The following HYOU1 variants were observed in gnomAD, a reference collection of about 807,000 sequenced individuals.
HYOU1 encodes the protein hypoxia up-regulated protein 1.
Under a neutral mutation model 120.5 loss-of-function variants are expected in HYOU1, and 40 were observed. That is an observed-to-expected ratio of 0.33 (90% CI 0.26 to 0.43). HYOU1 has a LOEUF of 0.43. Ranked by LOEUF, HYOU1 falls within the 20% of genes least tolerant of loss-of-function variation. The probability of loss-of-function intolerance (pLI) is 1.00; values close to 1 mark genes in which losing one functional copy is unlikely to be tolerated. For synonymous variants in HYOU1, 501 were observed against 479.4 expected (o/e 1.05, Z -0.59); for missense variants, 1,085 against 1,278.3 (o/e 0.85, Z 2.31).
In HYOU1 at chr11:119,052,120, A is replaced by AGG. The variant is rs1944481077; in HGVS notation, c.1174_1175insCC (p.Val392AlafsTer7). The AGG allele has an allele frequency of 6.2e-7, 1 of 1,613,654 alleles. No homozygotes were observed. Among genetic ancestry groups the AGG allele is most frequent in the African/African-American group, 1.3e-5 (1 of 74,792 alleles). On this transcript the variant is annotated frameshift_variant, in exon 11 of 26. Coordinates refer to ENST00000617285, the MANE Select transcript of HYOU1 (RefSeq NM_006389.5). LOFTEE classifies it high-confidence loss of function. This position sits in a 1 kb window ranked among gnomAD's most constrained non-coding sequence, Gnocchi z 5.0. ...CACGGCCTTCAGCAGCACCTCCTGA[A>AGG]CTCTGGGGACCCGAGTGGCCCCACC... is the stretch of plus-strand genomic sequence containing the variant.
Position 119,055,896 on chromosome 11 carries a change from G to C in HYOU1, c.92-53C>G. The C allele has an allele frequency of 1.3e-6, 2 of 1,500,540 alleles. No homozygotes were observed. The highest frequency in any genetic ancestry group is 1.9e-6 in the Non-Finnish European group (2 of 1,076,550). 93.0% of individuals were successfully genotyped at this position (1,500,540 alleles called of 1,614,324 possible). A position where few individuals can be genotyped will look rare whatever the true frequency, so the allele number is the denominator to read the frequency against. ...GCTCTCCCTTCGCCCACCTTCCTGG[G>C]ACTCCCTCTAATCAAAGCATACCAC... On this transcript the variant is annotated intron_variant, in intron 2 of 25. Coordinates refer to ENST00000617285, the MANE Select transcript of HYOU1 (RefSeq NM_006389.5). This position sits in a 1 kb window ranked among gnomAD's most constrained non-coding sequence, Gnocchi z 4.0.
Position 119,048,633 on chromosome 11 carries a change from C to T in HYOU1, c.2166-70G>A, listed in dbSNP as rs1355280733. The T allele has an allele frequency of 1.2e-6, 2 of 1,605,512 alleles. No homozygotes were observed. ...GAACTTGAGACTCTGGGTCCGACAGCCCTCCCTCCCAGGGCGCCATCCCAC... is the reference window on the plus strand; with the variant it reads ...GAACTTGAGACTCTGGGTCCGACAGTCCTCCCTCCCAGGGCGCCATCCCAC... On this transcript the variant is annotated intron_variant, in intron 18 of 25. Transcript: ENST00000617285. The surrounding 1 kb of genome is among the most constrained non-coding windows in gnomAD (Gnocchi z 4.7).
Position 119,052,670 on chromosome 11 carries a change from G to C in HYOU1, c.954C>G (p.Thr318=), listed in dbSNP as rs2133594515. Residue 318 remains threonine, a synonymous_variant, in exon 9 of 26, where the codon ACC becomes ACG. Coordinates refer to ENST00000617285, the MANE Select transcript of HYOU1 (RefSeq NM_006389.5). This position sits in a 1 kb window ranked among gnomAD's most constrained non-coding sequence, Gnocchi z 5.0. ...TGTGGTCAGCGTTGGCACTGAGGAC[G>C]GTTTTGAGCCGATTAGCCTCACGCA... ...KLLREANRLK[T]VLSANADHMA... is the part of the protein sequence containing the mutation. 6 of 1,614,030 alleles carry C rather than the reference G, an allele frequency of 3.7e-6. No homozygotes were observed. Among genetic ancestry groups the C allele is most frequent in the South Asian group, 2.2e-5 (2 of 91,068 alleles).
chr11:119,048,134 A>G lies in HYOU1; in HGVS notation c.2377-54T>C, dbSNP rs1397876735. ...TGGAAGGGACGACAGCAGAGCCTGG[A>G]GTCAGCCCCATGTCCTTCTTTATGG... On this transcript the variant is annotated intron_variant, in intron 20 of 25. Transcript: ENST00000617285. The surrounding 1 kb of genome is among the most constrained non-coding windows in gnomAD (Gnocchi z 4.7). The G allele has an allele frequency of 3.1e-6, 5 of 1,612,398 alleles. No homozygotes were observed. The highest frequency in any genetic ancestry group is 4.2e-6 in the Non-Finnish European group (5 of 1,179,910).
chr11:119,054,326 G>T, intron 7 of HYOU1, 90 bp from the exon 8 acceptor site: 1 of 1,235,154 alleles, frequency 8.1e-7, no homozygotes, highest in East Asian at 2.3e-5. Flanking sequence ...TGGGCTGTCT[G>T]ACTCTTAACA....
chr11:119,045,808 G>A lies in HYOU1; in HGVS notation c.2911C>T (p.Pro971Ser), dbSNP rs1944028766. The A allele has an allele frequency of 6.2e-7, 1 of 1,612,336 alleles. No individual in the cohort carries two copies. Residue 971 changes from proline to serine, a missense_variant, in exon 25 of 26, where the codon CCT becomes TCT. This residue lies in a region of HYOU1 where 516 missense variants were observed against 517.1 expected (regional missense o/e 1.00). Transcript: ENST00000617285. ...ETGSEPGDTE[P>S]LELGGPGAEP... ...GCTCCAGGACCTCCTAACTCCAAAG[G>A]CTCAGTGTCTCCTGGCTCGGATCCT...
intron 24 of HYOU1, 64 bp downstream of exon 24, chr11:119,046,353 C>T (rs1347252203): frequency 6.7e-7 from 1 of 1,490,964 alleles, no homozygotes; most frequent in African/African-American, 1.4e-5. Context: ...GCTGTGCCTG[C>T]CAGTTTGCCT....
At chr11:119,047,892 G>A (rs1944178518) in intron 21 of HYOU1, 55 bp downstream of exon 21, 1 of 1,613,476 alleles carries the variant, frequency 6.2e-7, no homozygotes, top group South Asian at 1.1e-5. Context: ...AAGCTGGTAG[G>A]AATGAAAACC....
chr11:119,046,207 C>A (rs1163958744), intron 24 of HYOU1, among the ~76,000 whole-genome samples: 1 of 151,212 alleles, frequency 6.6e-6, no homozygotes, highest in African/African-American at 2.4e-5. Context: ...CTCAGGTGAT[C>A]TACCCGCCTC....
chr11:119,048,581 G>C lies in HYOU1; in HGVS notation c.2166-18C>G. 6.2e-7 allele frequency: 1 copy of C among 1,613,092 alleles called. No individual in the cohort carries two copies. The highest frequency in any genetic ancestry group is 8.5e-7 in the Non-Finnish European group (1 of 1,179,280). The stretch of plus-strand genomic sequence containing the variant: ...CCTGAAGTCTATGGGACAAAGGAGG[G>C]GTAGGGATGAGGGAGAGGGCAAGTG... On this transcript the variant is annotated intron_variant, in intron 18 of 25. Transcript: ENST00000617285. This position sits in a 1 kb window ranked among gnomAD's most constrained non-coding sequence, Gnocchi z 4.7.
Position 119,056,123 on chromosome 11 carries a change from C to T in HYOU1, c.38G>A (p.Arg13Gln), listed in dbSNP as rs1378202864. 1 of 1,614,126 alleles carries T rather than the reference C, an allele frequency of 6.2e-7. No homozygotes were observed. Among genetic ancestry groups the T allele is most frequent in the Admixed American group, 1.7e-5 (1 of 60,028 alleles). Reference protein sequence around the residue: ...DKVRRQRPRRRVCWALVAVLL... With the variant: ...DKVRRQRPRRQVCWALVAVLL... Reference sequence around the variant, plus strand: ...CACAGCCACCAAGGCCCAACAGACTCGCCTCCTCGGCCTCTGCCTCCTAAC... The same window carrying T: ...CACAGCCACCAAGGCCCAACAGACTTGCCTCCTCGGCCTCTGCCTCCTAAC... The change falls in exon 2 of 26, where the codon CGA becomes CAA. Residue 13 changes from arginine (R) to glutamine (Q), a missense_variant. Around this residue, in one of 4 missense-constraint regions of HYOU1, gnomAD observed 45 missense variants for 49.2 expected, o/e 0.91. Transcript: ENST00000617285.
chr11:119,055,978 A>G lies in HYOU1; in HGVS notation c.91+92T>C. On this transcript the variant is annotated intron_variant, in intron 2 of 25. Coordinates refer to ENST00000617285, the MANE Select transcript of HYOU1 (RefSeq NM_006389.5). This position sits in a 1 kb window ranked among gnomAD's most constrained non-coding sequence, Gnocchi z 4.0. ...AAAAAGGCCTGGACCTAACAACTCA[A>G]GAGACTTCTGGCCAACAGCCCCAAG... 7.2e-7 allele frequency: 1 copy of G among 1,396,274 alleles called. No homozygotes were observed. The highest frequency in any genetic ancestry group is 1.0e-6 in the Non-Finnish European group (1 of 982,486). The allele number at this position is 1,396,274 out of a possible 1,614,324, so 86.5% of individuals were successfully genotyped here. A position where few individuals can be genotyped will look rare whatever the true frequency, so the allele number is the denominator to read the frequency against.
At chr11:119,053,999 T>G (rs1022262948) in intron 8 of HYOU1, 122 bp downstream of exon 8, 2 of 640,228 alleles carry the variant, frequency 3.1e-6, no homozygotes, top group Non-Finnish European at 5.6e-6. Flanking sequence ...CAATGACTGA[T>G]GCCTCAATCA....
rs2133558330 is a variant in HYOU1 at position 119,047,811 on chromosome 11, G to A, written c.2518C>T (p.Arg840Trp). 12 of 1,613,584 alleles carry A rather than the reference G, an allele frequency of 7.4e-6. No homozygotes were observed. The highest frequency in any genetic ancestry group is 1.1e-5 in the South Asian group (1 of 91,070). The part of the protein sequence containing the change: ...NHSSMFLKGA[R>W]LIPEMDQIFT... ...ATCTGGTCCATCTCTGGGATGAGCC[G>A]GGCCCCCCTGGAAGCCAGAAAGGAG... The change falls in exon 22 of 26, where the codon CGG (arginine) becomes TGG (tryptophan). Residue 840 changes from arginine (R) to tryptophan (W), a missense_variant. This residue lies in a region of HYOU1 where 516 missense variants were observed against 517.1 expected (regional missense o/e 1.00). Transcript: ENST00000617285.
In HYOU1 at chr11:119,051,912, G is replaced by A. The variant is rs2133588862; in HGVS notation, c.1245C>T (p.Ala415=). ...LGKNINADEA[A]AMGAVYQAAA... ...CTGCCTGGTACACTGCCCCCATGGC[G>A]GCTGCTTCATCTGCATTGATGTTCT... The change falls in exon 12 of 26, where the codon GCC becomes GCT. Residue 415 remains alanine, a synonymous_variant. Transcript: ENST00000617285. The surrounding 1 kb of genome is among the most constrained non-coding windows in gnomAD (Gnocchi z 4.2). 10 of 1,614,132 alleles carry A rather than the reference G, an allele frequency of 6.2e-6. No individual in the cohort carries two copies. In the South Asian group the frequency reaches 9.9e-5, roughly 16 times the overall value.
intron 1 of HYOU1, chr11:119,056,657 T>G: frequency 1.3e-5 from 4 of 301,478 alleles, no homozygotes; most frequent in Admixed American, 4.6e-5. Context: ...AAGGCCTATC[T>G]CCTCCTCGGC....
In HYOU1 at chr11:119,048,118, C is replaced by T. The variant is rs201125780; in HGVS notation, c.2377-38G>A. The T allele has an allele frequency of 2.3e-5, 37 of 1,613,098 alleles. No homozygotes were observed. Among genetic ancestry groups the T allele is most frequent in the African/African-American group, 4.0e-5 (3 of 74,910 alleles). ...CGATTGGGCAGAGGGGTGGAAGGGA[C>T]GACAGCAGAGCCTGGAGTCAGCCCC... On this transcript the variant is annotated intron_variant, in intron 20 of 25. Transcript: ENST00000617285. This position sits in a 1 kb window ranked among gnomAD's most constrained non-coding sequence, Gnocchi z 4.7.
Position 119,051,427 on chromosome 11 carries a change from C to CT in HYOU1, c.1526+10dup, listed in dbSNP as rs1944432870. On this transcript the variant is annotated intron_variant, in intron 13 of 25. Coordinates refer to ENST00000617285, the MANE Select transcript of HYOU1 (RefSeq NM_006389.5). The surrounding 1 kb of genome is among the most constrained non-coding windows in gnomAD (Gnocchi z 4.2). ...TCCCTGGAGCTCCCATCCTACACCC[C>CT]TGCCCCTCACCGAAGATCTTCAGGC... 1 of 1,613,654 alleles carries CT rather than the reference C, an allele frequency of 6.2e-7. No homozygotes were observed. The highest frequency in any genetic ancestry group is 1.3e-5 in the African/African-American group (1 of 74,930).
At chr11:119,046,363 T>A in intron 24 of HYOU1, 54 bp downstream of exon 24, 1 of 1,566,674 alleles carries the variant, frequency 6.4e-7, no homozygotes, top group Non-Finnish European at 8.8e-7. Flanking sequence ...CCAGTTTGCC[T>A]ACCCCTGGGC....
Sources: gnomAD v4.1 joint callset for allele counts (sites outside exome capture counted in the v4.1 genomes callset) on GRCh38, gnomAD v4.1.1 for gene constraint, gnomAD v4.1.1 regional missense constraint, Gnocchi (gnomAD v3.1) non-coding constraint, MANE v1.5 for transcripts, NCBI Gene and HGNC (gene_info 2026-07-23, HGNC 2026-07-21) for gene names.